Variants in TBXAS1 observed in about 807,000 individuals in gnomAD.
The protein encoded by TBXAS1 is thromboxane-A synthase.
A neutral mutation model predicts 60.7 loss-of-function variants in TBXAS1; 48 were observed. The observed-to-expected ratio is 0.79, with a 90% CI of 0.63 to 1.01. The LOEUF is 1.01. Among genes scored for constraint, TBXAS1 ranks in the 50% least tolerant of loss-of-function variants. The pLI, the probability that TBXAS1 is intolerant of heterozygous loss-of-function variation, is 0.00. For synonymous variants in TBXAS1, 287 were observed against 269.7 expected, an observed-to-expected ratio of 1.06 and a Z score of -0.63; for missense variants, 685 against 686.3, an observed-to-expected ratio of 1.00 and a Z score of 0.02.
At chr7:140,012,863 T>C (rs1215370075) in intron 10 of TBXAS1, among the ~76,000 whole-genome samples, 1 of 152,144 alleles carries the variant, frequency 6.6e-6, no homozygotes, top group East Asian at 1.9e-4. Context: ...CGAATTTTGT[T>C]TCTAGAATGT....
intron 4 of TBXAS1, among the ~76,000 whole-genome samples, chr7:139,927,179 G>A (rs1290472911): frequency 2.1e-5 from 3 of 140,462 alleles, no homozygotes; most frequent in Non-Finnish European, 4.6e-5. Flanking sequence ...TTTTTTTTCC[G>A]TACAGACAGG....
At chr7:139,968,591 G>A (rs575787650) in intron 9 of TBXAS1, among the ~76,000 whole-genome samples, 15 of 152,304 alleles carry the variant, frequency 9.8e-5, no homozygotes, top group Middle Eastern at 3.4e-3. Context: ...CACCGCGCCC[G>A]GCTTCAATCC....
At chr7:139,939,825 G>C (rs982717927) in intron 5 of TBXAS1, among the ~76,000 whole-genome samples, 3 of 152,160 alleles carry the variant, frequency 2.0e-5, no homozygotes, top group Admixed American at 6.5e-5. Context: ...ATGTGGAAGG[G>C]GAAAGCATTT....
At position 139,844,047 on chromosome 7, in the gene TBXAS1, T is replaced by C. The variant is rs544161961; in HGVS notation, c.89+14568T>C. ...CTCATTGGTGTGCTATGGATAACAT[T>C]CCCATGAATTCAGATAGATAGAGGA... On this transcript the variant is annotated intron_variant, in intron 1 of 12. Transcript: ENST00000448866. Among the ~76,000 whole-genome samples, 3 of 152,330 alleles carry C rather than the reference T, an allele frequency of 2.0e-5. No individual in the cohort carries two copies. The South Asian group carries it at 6.2e-4, about 32-fold the overall frequency.
At chr7:139,866,661 G>A (rs1801438751) in intron 1 of TBXAS1, among the ~76,000 whole-genome samples, 1 of 151,938 alleles carries the variant, frequency 6.6e-6, no homozygotes, top group Admixed American at 6.6e-5. Flanking sequence ...CGGAGGCTGA[G>A]GTGAGAGGAT....
intron 3 of TBXAS1, among the ~76,000 whole-genome samples, chr7:139,905,622 T>C (rs1805016520): frequency 6.6e-6 from 1 of 152,214 alleles, no homozygotes; most frequent in African/African-American, 2.4e-5. Flanking sequence ...AGGGTGATGC[T>C]GGCTTCATAG....
At chr7:139,858,224 T>C (rs1196247920) in intron 1 of TBXAS1, among the ~76,000 whole-genome samples, 1 of 152,244 alleles carries the variant, frequency 6.6e-6, no homozygotes, top group East Asian at 1.9e-4. Flanking sequence ...CTTCACCTGC[T>C]ATGGTGCCAC....
chr7:140,002,641 C>T (rs62490128), intron 9 of TBXAS1, among the ~76,000 whole-genome samples: 20,924 of 152,134 alleles, frequency 0.14, 1,940 homozygotes, highest in South Asian at 0.21. Context: ...CTGCCTCATC[C>T]GTTCATTCCT....
At chr7:139,850,558 C>G (rs1395882938) in intron 1 of TBXAS1, among the ~76,000 whole-genome samples, 3 of 152,134 alleles carry the variant, frequency 2.0e-5, no homozygotes, top group Admixed American at 2.0e-4. Flanking sequence ...TTGCACTGGG[C>G]TGAGTAGTGT....
intron 5 of TBXAS1, among the ~76,000 whole-genome samples, chr7:139,951,265 G>C (rs1809231381): frequency 6.6e-6 from 1 of 152,100 alleles, no homozygotes; most frequent in African/African-American, 2.4e-5. Flanking sequence ...TTGTCTTCTA[G>C]AAAAGTCAAC....
intron 9 of TBXAS1, among the ~76,000 whole-genome samples, chr7:139,995,591 A>G (rs971555898): frequency 1.3e-5 from 2 of 152,186 alleles, no homozygotes; most frequent in African/African-American, 4.8e-5. Flanking sequence ...AATATCCCAC[A>G]GCGACCTTTT....
At chr7:139,869,902 CAA>C (rs1801698426) in intron 1 of TBXAS1, among the ~76,000 whole-genome samples, 1 of 152,124 alleles carries the variant, frequency 6.6e-6, no homozygotes, top group African/African-American at 2.4e-5. Flanking sequence ...GGGTATGAAA[CAA>C]GAGTGCAGAG....
At chr7:139,930,651 G>A (rs950475513) in intron 4 of TBXAS1, among the ~76,000 whole-genome samples, 6 of 152,048 alleles carry the variant, frequency 3.9e-5, no homozygotes. Context: ...GGAAGTTAAG[G>A]CACTCCTTCA....
At chr7:139,827,049 C>T (rs542926626), upstream of TBXAS1, among the ~76,000 whole-genome samples, 1 of 152,140 alleles carries the variant, frequency 6.6e-6, no homozygotes, top group African/African-American at 2.4e-5. Flanking sequence ...GAGCATGAAC[C>T]CACCCCCAAA....
intron 9 of TBXAS1, among the ~76,000 whole-genome samples, chr7:139,969,934 C>G (rs1163315800): frequency 6.6e-6 from 1 of 152,216 alleles, no homozygotes; most frequent in Non-Finnish European, 1.5e-5. Flanking sequence ...GAATCTAAAA[C>G]AAAGAACAGC....
intron 5 of TBXAS1, among the ~76,000 whole-genome samples, chr7:139,947,419 G>T (rs1808814557): frequency 6.6e-6 from 1 of 152,112 alleles, no homozygotes; most frequent in Non-Finnish European, 1.5e-5. Flanking sequence ...TGTTGGGGGA[G>T]GGGGGAGGAA....
chr7:139,899,090 G>A (rs1804355819), intron 3 of TBXAS1, among the ~76,000 whole-genome samples: 1 of 151,834 alleles, frequency 6.6e-6, no homozygotes, highest in African/African-American at 2.4e-5. Context: ...AGATGAAAAG[G>A]ACAGTGCCCC....
intron 9 of TBXAS1, among the ~76,000 whole-genome samples, chr7:139,984,352 AT>A (rs1159822548): frequency 6.6e-6 from 1 of 151,850 alleles, no homozygotes; most frequent in African/African-American, 2.4e-5. Flanking sequence ...GAAACCTTAG[AT>A]TCACGTCCCT....
intron 1 of TBXAS1, among the ~76,000 whole-genome samples, chr7:139,848,135 C>CTTAT (rs35299952): frequency 0.045 from 6,716 of 150,636 alleles, 185 homozygotes; most frequent in African/African-American, 0.069. Flanking sequence ...TTATGTTTTA[C>CTTAT]TTATTTATTT....
Sources: gnomAD v4.1 joint callset for allele counts (sites outside exome capture counted in the v4.1 genomes callset) on GRCh38, gnomAD v4.1.1 for gene constraint, MANE v1.5 for transcripts, NCBI Gene and HGNC (gene_info 2026-07-23, HGNC 2026-07-21) for gene names.